Variants in STAG1 observed in about 807,000 individuals in gnomAD.
The protein encoded by STAG1 is STAG1 cohesin complex component.
STAG1 carries 26 observed loss-of-function variants against 170.9 expected under a neutral mutation model. The observed-to-expected ratio is 0.15, with a 90% CI of 0.11 to 0.21. STAG1 has a LOEUF of 0.21. Among genes scored for constraint, STAG1 ranks in the 10% least tolerant of loss-of-function variants. The pLI is 1.00. For synonymous variants in STAG1, 514 were observed against 497.7 expected, an observed-to-expected ratio of 1.03 and a Z score of -0.44; for missense variants, 964 against 1,509.5, an observed-to-expected ratio of 0.64 and a Z score of 5.99.
At chr3:136,545,728 T>G (rs1010387464) in intron 5 of STAG1, among the ~76,000 whole-genome samples, 3 of 151,962 alleles carry the variant, frequency 2.0e-5, no homozygotes, top group African/African-American at 7.2e-5. Flanking sequence ...AAAAAAACCC[T>G]CACAAATTAT....
intron 22 of STAG1, among the ~76,000 whole-genome samples, chr3:136,390,949 T>C (rs1010608426): frequency 1.3e-5 from 2 of 152,180 alleles, no homozygotes; most frequent in African/African-American, 4.8e-5. Context: ...GTTAAACATG[T>C]CTTCTCATGG....
intron 7 of STAG1, among the ~76,000 whole-genome samples, chr3:136,516,918 A>G (rs1934407461): frequency 6.6e-6 from 1 of 152,244 alleles, no homozygotes; most frequent in Non-Finnish European, 1.5e-5. Flanking sequence ...AACCCATTCT[A>G]TCAACCACAG....
chr3:136,735,321 TTGCTATGA>T (rs957758958), intron 1 of STAG1, among the ~76,000 whole-genome samples: 3 of 152,186 alleles, frequency 2.0e-5, no homozygotes, highest in African/African-American at 7.2e-5. Flanking sequence ...AGACAGGGTC[TTGCTATGA>T]TGTCCAGTCT....
chr3:136,617,347 T>C (rs896100937), intron 3 of STAG1, among the ~76,000 whole-genome samples: 2 of 152,184 alleles, frequency 1.3e-5, no homozygotes, highest in Non-Finnish European at 2.9e-5. Context: ...ATCATTGGTG[T>C]TGGAAATGCT....
At chr3:136,672,783 T>C (rs1179690340) in intron 1 of STAG1, among the ~76,000 whole-genome samples, 3 of 152,172 alleles carry the variant, frequency 2.0e-5, no homozygotes, top group Non-Finnish European at 4.4e-5. Flanking sequence ...AGAGAATTCA[T>C]ACAGCAGGTA....
intron 1 of STAG1, chr3:136,736,806 C>T (rs1934361799): frequency 4.4e-6 from 7 of 1,586,752 alleles, no homozygotes; most frequent in Non-Finnish European, 6.0e-6. Context: ...TCCTCCTCTA[C>T]AATTGTAGGT....
intron 1 of STAG1, among the ~76,000 whole-genome samples, chr3:136,684,832 CAT>C (rs1443685626): frequency 3.6e-5 from 5 of 139,558 alleles, no homozygotes; most frequent in African/African-American, 1.3e-4. Context: ...AAGCAAAAAA[CAT>C]CAGTCTAGAC....
chr3:136,426,756 T>A (rs1304624634), intron 16 of STAG1, among the ~76,000 whole-genome samples: 2 of 151,792 alleles, frequency 1.3e-5, no homozygotes, highest in Non-Finnish European at 2.9e-5. Flanking sequence ...TTGGCCAACA[T>A]AATGAAACCC....
intron 4 of STAG1, among the ~76,000 whole-genome samples, chr3:136,603,439 C>T (rs138252974): frequency 5.3e-5 from 8 of 151,908 alleles, no homozygotes; most frequent in African/African-American, 9.7e-5. Context: ...AATGTAGAGA[C>T]GAACATAAAT....
chr3:136,671,923 T>G (rs966228362), intron 1 of STAG1, among the ~76,000 whole-genome samples: 3 of 152,206 alleles, frequency 2.0e-5, no homozygotes, highest in Non-Finnish European at 2.9e-5. Context: ...CAGACCATCA[T>G]TCACTAATGT....
chr3:136,405,560 G>C (rs1454068979), intron 21 of STAG1, among the ~76,000 whole-genome samples: 1 of 151,432 alleles, frequency 6.6e-6, no homozygotes, highest in African/African-American at 2.4e-5. Flanking sequence ...TTTAGTATTA[G>C]GAAAAATATG....
intron 1 of STAG1, among the ~76,000 whole-genome samples, chr3:136,715,463 A>G (rs561457528): frequency 4.9e-4 from 75 of 152,032 alleles, no homozygotes; most frequent in Non-Finnish European, 9.9e-4. Context: ...TACTAAAAAT[A>G]CAAAAAATTA....
intron 12 of STAG1, among the ~76,000 whole-genome samples, chr3:136,466,979 G>C (rs1402984011): frequency 6.6e-6 from 1 of 152,150 alleles, no homozygotes; most frequent in African/African-American, 2.4e-5. Context: ...CACCAAGCCT[G>C]CCCTACAAGA....
At chr3:136,646,834 C>G (rs1308913050) in intron 1 of STAG1, among the ~76,000 whole-genome samples, 1 of 151,758 alleles carries the variant, frequency 6.6e-6, no homozygotes, top group Non-Finnish European at 1.5e-5. Flanking sequence ...TGAACTGGGA[C>G]CCAGGAGGTG....
intron 7 of STAG1, among the ~76,000 whole-genome samples, chr3:136,514,498 G>A (rs1934244218): frequency 6.6e-6 from 1 of 152,240 alleles, no homozygotes; most frequent in African/African-American, 2.4e-5. Flanking sequence ...GTGGAAGACA[G>A]TGTGGTGATT....
At chr3:136,514,393 A>G (rs544173449) in intron 7 of STAG1, among the ~76,000 whole-genome samples, 10 of 152,360 alleles carry the variant, frequency 6.6e-5, no homozygotes, top group Non-Finnish European at 1.3e-4. Flanking sequence ...AATGGCAATC[A>G]TTAAAAAGTC....
At chr3:136,594,516 A>G (rs1938331077) in intron 4 of STAG1, among the ~76,000 whole-genome samples, 1 of 152,212 alleles carries the variant, frequency 6.6e-6, no homozygotes, top group South Asian at 2.1e-4. Flanking sequence ...CACTAAGTAT[A>G]CTTAATTTAT....
intron 1 of STAG1, among the ~76,000 whole-genome samples, chr3:136,692,748 G>T (rs1055405168): frequency 6.6e-6 from 1 of 152,074 alleles, no homozygotes; most frequent in Non-Finnish European, 1.5e-5. Flanking sequence ...TGGGAGAATA[G>T]AAGTCTTATA....
chr3:136,432,522 G>A (rs1385817967), intron 16 of STAG1, among the ~76,000 whole-genome samples: 1 of 144,018 alleles, frequency 6.9e-6, no homozygotes. Context: ...TTTGGGGGGG[G>A]GGGGGCACAG....
Sources: allele counts gnomAD v4.1 joint callset (sites outside exome capture counted in the v4.1 genomes callset), GRCh38; gene constraint gnomAD v4.1.1; transcripts MANE v1.5; gene names NCBI Gene and HGNC (gene_info 2026-07-23, HGNC 2026-07-21).